Variants in IL1RAPL2 observed in about 807,000 individuals in gnomAD.
The protein encoded by IL1RAPL2 is interleukin 1 receptor accessory protein like 2, also known as X-linked interleukin-1 receptor accessory protein-like 2.
IL1RAPL2 carries 3 observed loss-of-function variants against 44.1 expected under a neutral mutation model. The ratio of observed to expected loss-of-function variants is 0.07; its 90% CI spans 0.03 to 0.18. The LOEUF (loss-of-function observed/expected upper bound fraction) is 0.18. Ranked by LOEUF, IL1RAPL2 falls within the 10% of genes least tolerant of loss-of-function variation. The pLI, the probability that IL1RAPL2 is intolerant of heterozygous loss-of-function variation, is 1.00. For missense variants in IL1RAPL2, 391 were observed against 496.4 expected (o/e 0.79, Z 2.02); for synonymous variants, 181 against 178.8 (o/e 1.01, Z -0.10).
intron 2 of IL1RAPL2, among the ~76,000 whole-genome samples, chrX:104,781,282 G>A (rs1379062994): frequency 1.8e-5 from 2 of 110,816 alleles, no homozygotes; most frequent in East Asian, 2.8e-4. Context: ...TGAGGAAATT[G>A]GGGTTCACGG....
intron 2 of IL1RAPL2, among the ~76,000 whole-genome samples, chrX:105,143,010 C>T (rs2033140344): frequency 9.0e-6 from 1 of 111,143 alleles, no homozygotes; most frequent in African/African-American, 3.3e-5. Flanking sequence ...GCCACATTTT[C>T]TTAATCCAGT....
At chrX:104,888,105 C>T (rs1306251644) in intron 2 of IL1RAPL2, among the ~76,000 whole-genome samples, 2 of 111,053 alleles carry the variant, frequency 1.8e-5, no homozygotes, top group Admixed American at 9.7e-5. Context: ...AGTGAAAAAA[C>T]CCAAGGAGGT....
intron 2 of IL1RAPL2, among the ~76,000 whole-genome samples, chrX:104,915,327 C>T (rs1287344209): frequency 9.1e-6 from 1 of 110,340 alleles, no homozygotes; most frequent in Admixed American, 9.7e-5. Flanking sequence ...TGATGATGAG[C>T]ATTTTTTCAT....
chrX:105,483,482 T>G (rs2036245457), intron 5 of IL1RAPL2, among the ~76,000 whole-genome samples: 1 of 111,720 alleles, frequency 9.0e-6, no homozygotes. Context: ...TGAGAATCTT[T>G]TCTTCTTTAC....
At chrX:104,951,966 C>T (rs775395193) in intron 2 of IL1RAPL2, among the ~76,000 whole-genome samples, 1 of 112,345 alleles carries the variant, frequency 8.9e-6, no homozygotes, top group Admixed American at 9.5e-5. Context: ...TGAGACAGGA[C>T]TGTAATGCAG....
chrX:104,772,950 C>T (rs1201364298), intron 2 of IL1RAPL2, among the ~76,000 whole-genome samples: 1 of 111,135 alleles, frequency 9.0e-6, no homozygotes, highest in African/African-American at 3.3e-5. Flanking sequence ...TGCTCTGTTG[C>T]CCAGGCTGGA....
At position 105,414,197 on chromosome X, in the gene IL1RAPL2, G is replaced by A. The variant is rs373230855; in HGVS notation, c.698-70116G>A. Among the ~76,000 whole-genome samples the A allele has an allele frequency of 4.5e-5, 5 of 110,347 alleles. No homozygotes were observed. In the East Asian group the frequency reaches 1.1e-3, roughly 25 times the overall value. Reference sequence around the variant, plus strand: ...GGCTGGAGTGCAGTGGCGCGATCTCGGCTCACTGCAACCGCCACCTCCCGG... The same window carrying A: ...GGCTGGAGTGCAGTGGCGCGATCTCAGCTCACTGCAACCGCCACCTCCCGG... On this transcript the variant is annotated intron_variant, in intron 5 of 10. Coordinates refer to ENST00000372582, the MANE Select transcript of IL1RAPL2 (RefSeq NM_017416.2).
At chrX:105,350,082 G>C (rs756931005) in intron 5 of IL1RAPL2, among the ~76,000 whole-genome samples, 2 of 111,933 alleles carry the variant, frequency 1.8e-5, no homozygotes, top group Non-Finnish European at 3.8e-5. Context: ...CTTCGTTTAT[G>C]CCTTTATTAG....
intron 2 of IL1RAPL2, among the ~76,000 whole-genome samples, chrX:104,854,228 G>C (rs1308410857): frequency 9.0e-6 from 1 of 111,378 alleles, no homozygotes; most frequent in East Asian, 2.8e-4. Flanking sequence ...TCTTATGCTT[G>C]ACTACATTCA....
In IL1RAPL2 at chrX:105,567,635, A is replaced by G. The variant is rs762621413; in HGVS notation, c.772+83248A>G. Among the ~76,000 whole-genome samples the G allele has an allele frequency of 6.3e-5, 7 of 111,672 alleles. No individual in the cohort carries two copies. In the South Asian group the frequency reaches 2.6e-3, roughly 42 times the overall value. On this transcript the variant is annotated intron_variant, in intron 6 of 10. Coordinates refer to ENST00000372582, the MANE Select transcript of IL1RAPL2 (RefSeq NM_017416.2). Reference sequence around the variant, plus strand: ...AGAGTCCATTTACATTTAAATTCTTAATTCCATTGCAATGTCATTCTGAAT... The same window carrying G: ...AGAGTCCATTTACATTTAAATTCTTGATTCCATTGCAATGTCATTCTGAAT...
At chrX:105,095,872 C>A (rs1569381253) in intron 2 of IL1RAPL2, among the ~76,000 whole-genome samples, 1 of 111,658 alleles carries the variant, frequency 9.0e-6, no homozygotes, top group Non-Finnish European at 1.9e-5. Flanking sequence ...AACCTTTATG[C>A]ATCAAAGGAC....
At chrX:104,811,421 TA>T (rs1224081020) in intron 2 of IL1RAPL2, among the ~76,000 whole-genome samples, 1 of 111,691 alleles carries the variant, frequency 9.0e-6, no homozygotes, top group African/African-American at 3.3e-5. Context: ...GGCATTGAGA[TA>T]ATTTCTTTTT....
chrX:104,653,407 T>C (rs1445414955), intron 1 of IL1RAPL2, among the ~76,000 whole-genome samples: 1 of 111,384 alleles, frequency 9.0e-6, no homozygotes, highest in African/African-American at 3.3e-5. Context: ...AAATCTCCAA[T>C]ATCCCACCTC....
intron 2 of IL1RAPL2, among the ~76,000 whole-genome samples, chrX:104,988,975 T>C (rs1395736983): frequency 1.8e-5 from 2 of 111,886 alleles, no homozygotes; most frequent in Non-Finnish European, 3.8e-5. Context: ...ATTACTTTAT[T>C]ATCCTTTTTA....
At chrX:105,650,206 C>A (rs1456785660) in intron 6 of IL1RAPL2, among the ~76,000 whole-genome samples, 1 of 111,350 alleles carries the variant, frequency 9.0e-6, no homozygotes, top group Non-Finnish European at 1.9e-5. Context: ...GCTAGTAACA[C>A]CAATATCCCC....
intron 7 of IL1RAPL2, among the ~76,000 whole-genome samples, chrX:105,728,866 T>C (rs987219928): frequency 9.0e-6 from 1 of 111,475 alleles, no homozygotes; most frequent in Non-Finnish European, 1.9e-5. Context: ...GAGCTTTGTC[T>C]ATTCATCTCT....
At chrX:105,383,144 G>C (rs375330715) in intron 5 of IL1RAPL2, among the ~76,000 whole-genome samples, 1 of 107,106 alleles carries the variant, frequency 9.3e-6, no homozygotes. Flanking sequence ...TCACATGAAC[G>C]CAAAAATAAA....
chrX:104,807,857 T>C (rs1932934188), intron 2 of IL1RAPL2, among the ~76,000 whole-genome samples: 1 of 111,968 alleles, frequency 8.9e-6, no homozygotes, highest in Admixed American at 9.5e-5. Context: ...TCCATTTTTT[T>C]CTTTATGAAC....
At chrX:105,187,047 C>T (rs992158367) in intron 2 of IL1RAPL2, among the ~76,000 whole-genome samples, 1 of 111,701 alleles carries the variant, frequency 9.0e-6, no homozygotes, top group African/African-American at 3.3e-5. Context: ...ACCTTTGTAC[C>T]TCTGCTACCA....
Sources: gnomAD v4.1 joint callset for allele counts (sites outside exome capture counted in the v4.1 genomes callset) on GRCh38, gnomAD v4.1.1 for gene constraint, MANE v1.5 for transcripts, NCBI Gene and HGNC (gene_info 2026-07-23, HGNC 2026-07-21) for gene names.